The following CFAP61 variants were observed in gnomAD, a reference collection of about 807,000 sequenced individuals.
CFAP61 encodes cilia and flagella associated protein 61, also known as cilia- and flagella-associated protein 61.
A neutral mutation model predicts 135.6 loss-of-function variants in CFAP61; 107 were observed. That is an observed-to-expected ratio of 0.79 (90% CI 0.67 to 0.93). The LOEUF is 0.93. Ranked by LOEUF, CFAP61 falls within the 40% of genes least tolerant of loss-of-function variation. CFAP61 has a pLI of 0.00. For missense variants in CFAP61, 1,507 were observed against 1,556.2 expected (o/e 0.97, Z 0.53); for synonymous variants, 575 against 578.5 (o/e 0.99, Z 0.09).
intron 21 of CFAP61, among the ~76,000 whole-genome samples, chr20:20,273,520 T>A (rs971035631): frequency 1.3e-5 from 2 of 152,200 alleles, no homozygotes; most frequent in African/African-American, 2.4e-5. Context: ...GTGCTAAATA[T>A]TTACAGGATC....
At chr20:20,246,571 G>A (rs2050474117) in intron 19 of CFAP61, among the ~76,000 whole-genome samples, 2 of 152,226 alleles carry the variant, frequency 1.3e-5, no homozygotes, top group Non-Finnish European at 2.9e-5. Flanking sequence ...GCTGGGATAT[G>A]GGTCCCACAG....
chr20:20,125,155 C>G (rs183655385), intron 8 of CFAP61, among the ~76,000 whole-genome samples: 1 of 151,770 alleles, frequency 6.6e-6, no homozygotes, highest in African/African-American at 2.4e-5. Context: ...TTTTATTTAT[C>G]TTTTCAAAGA....
At chr20:20,268,384 C>G (rs1047086711) in intron 21 of CFAP61, among the ~76,000 whole-genome samples, 1 of 152,206 alleles carries the variant, frequency 6.6e-6, no homozygotes, top group Non-Finnish European at 1.5e-5. Context: ...GCATCAAGAA[C>G]AAGAGATACT....
At position 20,277,282 on chromosome 20, in the gene CFAP61, A is replaced by G. The variant is rs970400636; in HGVS notation, c.2620A>G (p.Ile874Val). The change falls in exon 22 of 27, where the codon ATC becomes GTC. Residue 874 changes from isoleucine (I) to valine (V), a missense_variant. By Grantham distance (29) the Ile-to-Val change is conservative. Coordinates refer to ENST00000245957, the MANE Select transcript of CFAP61 (RefSeq NM_015585.4). ...HLVQPPPAST[I>V]TCINNYSVES... ...CGTGCAGCCCCCGCCCGCCTCCACCATCACCTGCATCAACAACTACTCGGT... is the reference window on the plus strand; with the variant it reads ...CGTGCAGCCCCCGCCCGCCTCCACCGTCACCTGCATCAACAACTACTCGGT... 1 of 1,614,118 alleles carries G rather than the reference A, an allele frequency of 6.2e-7. No homozygotes were observed. Among genetic ancestry groups the G allele is most frequent in the Non-Finnish European group, 8.5e-7 (1 of 1,180,026 alleles).
intron 13 of CFAP61, among the ~76,000 whole-genome samples, chr20:20,176,959 T>G (rs1183796937): frequency 6.6e-6 from 1 of 152,184 alleles, no homozygotes; most frequent in Non-Finnish European, 1.5e-5. Context: ...CCTACTTCAC[T>G]TTTTATTATT....
At chr20:20,070,562 A>T (rs1268828307) in intron 2 of CFAP61, among the ~76,000 whole-genome samples, 1 of 152,230 alleles carries the variant, frequency 6.6e-6, no homozygotes, top group Non-Finnish European at 1.5e-5. Flanking sequence ...GAAACTGTGT[A>T]GTCAAATATC....
chr20:20,296,220 CCTTCCTTCCTTTCTTCCTTCCCTCCCT>C (rs1212563373), intron 24 of CFAP61, among the ~76,000 whole-genome samples: 4 of 84,094 alleles, frequency 4.8e-5, no homozygotes, highest in East Asian at 7.5e-4. Context: ...TCCCTTCATC[CCTTCCTTCCTTTCTTCCTTCCCTCCCT>C]CTTCCTTCCT....
chr20:20,212,298 C>G (rs1211394143), intron 17 of CFAP61, among the ~76,000 whole-genome samples: 7 of 152,204 alleles, frequency 4.6e-5, no homozygotes, highest in African/African-American at 1.4e-4. Context: ...CTGTCCCTCT[C>G]TCCCTCCAGC....
At chr20:20,222,647 T>C (rs1374352018) in intron 17 of CFAP61, among the ~76,000 whole-genome samples, 1 of 152,218 alleles carries the variant, frequency 6.6e-6, no homozygotes, top group Non-Finnish European at 1.5e-5. Context: ...GGTATTCATA[T>C]CATACTTTTG....
chr20:20,138,026 G>T (rs11906297), intron 8 of CFAP61, among the ~76,000 whole-genome samples: 1,662 of 152,262 alleles, frequency 0.011, 31 homozygotes, highest in African/African-American at 0.038. Flanking sequence ...TTCCAGTCCA[G>T]GGTGTGTCTA....
chr20:20,209,428 T>C (rs2047471342), intron 17 of CFAP61, among the ~76,000 whole-genome samples: 1 of 152,248 alleles, frequency 6.6e-6, no homozygotes, highest in African/African-American at 2.4e-5. Flanking sequence ...AAATGAAAAC[T>C]TGTGATTCCT....
At chr20:20,202,483 G>T (rs1421035477) in intron 17 of CFAP61, among the ~76,000 whole-genome samples, 2 of 152,100 alleles carry the variant, frequency 1.3e-5, no homozygotes. Context: ...TAATCCCCAT[G>T]GAATGGGCCT....
rs1183077529 is a variant in CFAP61 at position 20,246,023 on chromosome 20, G to A, written c.2061-94G>A. On this transcript the variant is annotated intron_variant, in intron 18 of 26. Coordinates refer to ENST00000245957, the MANE Select transcript of CFAP61 (RefSeq NM_015585.4). ...AGCTCCAAAAGCAATTCAACAGTTG[G>A]ATGACACGTGATATAAAGTTAAATT... The A allele has an allele frequency of 4.0e-6, 3 of 750,224 alleles. No individual in the cohort carries two copies. The African/African-American group carries it at 5.3e-5, about 13-fold the overall frequency. 46.5% of individuals were successfully genotyped at this position (750,224 alleles called of 1,614,324 possible).
intron 13 of CFAP61, among the ~76,000 whole-genome samples, chr20:20,181,122 A>G (rs2055034540): frequency 6.6e-6 from 1 of 151,708 alleles, no homozygotes; most frequent in Non-Finnish European, 1.5e-5. Context: ...GTTTGTCTAT[A>G]TAACCAACCT....
intron 18 of CFAP61, among the ~76,000 whole-genome samples, chr20:20,231,042 T>G (rs937677454): frequency 6.6e-6 from 1 of 152,224 alleles, no homozygotes; most frequent in Non-Finnish European, 1.5e-5. Context: ...AAAACACATT[T>G]GGTCTCCTCT....
chr20:20,259,422 A>T (rs935096856), intron 20 of CFAP61, among the ~76,000 whole-genome samples: 24 of 135,626 alleles, frequency 1.8e-4, no homozygotes, highest in African/African-American at 5.6e-5. Flanking sequence ...AACCCAGCTA[A>T]TTTTTTTTTT....
intron 17 of CFAP61, chr20:20,225,253 G>T (rs368457071): frequency 6.6e-6 from 1 of 152,060 alleles, no homozygotes; most frequent in East Asian, 1.9e-4. Context: ...TTTAAAAACC[G>T]TCTGTACTAA....
At chr20:20,246,030 C>T (rs1479467662) in intron 18 of CFAP61, 87 bp from the exon 19 acceptor site, 33 of 795,050 alleles carry the variant, frequency 4.2e-5, no homozygotes, top group Non-Finnish European at 6.5e-5. Context: ...TTGGATGACA[C>T]GTGATATAAA....
chr20:20,195,302 T>A (rs995552358), intron 15 of CFAP61, among the ~76,000 whole-genome samples: 3 of 152,242 alleles, frequency 2.0e-5, no homozygotes, highest in African/African-American at 7.2e-5. Context: ...CCTTGCATTC[T>A]CCAATTTCTG....
Sources: gnomAD v4.1 joint callset for allele counts (sites outside exome capture counted in the v4.1 genomes callset) on GRCh38, gnomAD v4.1.1 for gene constraint, MANE v1.5 for transcripts, NCBI Gene and HGNC (gene_info 2026-07-23, HGNC 2026-07-21) for gene names.